The following FAF1 variants were observed in gnomAD, a reference collection of about 807,000 sequenced individuals.
FAF1 encodes Fas associated factor 1.
A neutral mutation model predicts 92.5 loss-of-function variants in FAF1; 25 were observed. That is an observed-to-expected ratio of 0.27 (90% CI 0.20 to 0.38). The LOEUF (loss-of-function observed/expected upper bound fraction) is 0.38. FAF1 is among the 10% of genes least tolerant of loss of function. FAF1 has a pLI of 1.00. For missense variants in FAF1, 636 were observed against 793.3 expected, an observed-to-expected ratio of 0.80 and a Z score of 2.38; for synonymous variants, 234 against 273.2, an observed-to-expected ratio of 0.86 and a Z score of 1.42.
intron 5 of FAF1, among the ~76,000 whole-genome samples, chr1:50,743,898 T>G (rs577697045): frequency 2.4e-4 from 36 of 151,664 alleles, no homozygotes; most frequent in Non-Finnish European, 3.5e-4. Flanking sequence ...TGGTGAAACC[T>G]CATCTCTACT....
At chr1:50,661,121 G>A (rs1181182075) in intron 7 of FAF1, among the ~76,000 whole-genome samples, 3 of 151,892 alleles carry the variant, frequency 2.0e-5, no homozygotes, top group African/African-American at 7.3e-5. Context: ...AAGATAATAA[G>A]CATTTTAGTA....
rs376214746 is a variant in FAF1 at position 50,460,415 on chromosome 1, C to T, written c.1869+15049G>A. On this transcript the variant is annotated intron_variant, in intron 18 of 18. Coordinates refer to ENST00000396153, the MANE Select transcript of FAF1 (RefSeq NM_007051.3). Reference sequence around the variant, plus strand: ...GGTTCCCAATCATAGTGCTGAAGTGCTGTCTAGTGTTCCTAAGTAAAGGAG... The same window carrying T: ...GGTTCCCAATCATAGTGCTGAAGTGTTGTCTAGTGTTCCTAAGTAAAGGAG... Among the ~76,000 whole-genome samples, 26 of 152,164 alleles carry T rather than the reference C, an allele frequency of 1.7e-4. No individual in the cohort carries two copies. The South Asian group carries it at 4.4e-3, about 25-fold the overall frequency.
chr1:50,565,315 T>C (rs1472163847), intron 13 of FAF1, among the ~76,000 whole-genome samples: 1 of 152,108 alleles, frequency 6.6e-6, no homozygotes, highest in Non-Finnish European at 1.5e-5. Context: ...CAGTCTTTAA[T>C]ATTACCTTTT....
At chr1:50,911,204 C>T (rs112893512) in intron 1 of FAF1, among the ~76,000 whole-genome samples, 2,887 of 151,758 alleles carry the variant, frequency 0.019, 93 homozygotes, top group African/African-American at 0.067. Flanking sequence ...TCCCAAGCAG[C>T]TGGGATTACA....
chr1:50,894,698 G>A lies in FAF1; in HGVS notation c.46-36701C>T, dbSNP rs56997734. Among the ~76,000 whole-genome samples, 1,172 of 151,642 alleles carry A rather than the reference G, an allele frequency of 7.7e-3. 13 individuals carry two copies. Among genetic ancestry groups the A allele is most frequent in the African/African-American group, 0.027 (1,132 of 41,332 alleles). On this transcript the variant is annotated intron_variant, in intron 1 of 18. Transcript: ENST00000396153. ...CTCTGACCACAATGGAATAAACCTA[G>A]AAATCAATAATGAGGAATTCTGGAA...
intron 1 of FAF1, among the ~76,000 whole-genome samples, chr1:50,876,170 G>C (rs145503800): frequency 6.6e-6 from 1 of 152,176 alleles, no homozygotes; most frequent in Non-Finnish European, 1.5e-5. Context: ...AGCAGGCTTC[G>C]TGCTTCTCAA....
At chr1:50,870,825 T>C (rs1028220963) in intron 1 of FAF1, among the ~76,000 whole-genome samples, 7 of 152,160 alleles carry the variant, frequency 4.6e-5, no homozygotes, top group East Asian at 1.9e-4. Flanking sequence ...AATCCAACAA[T>C]AGCCTCTAAG....
At chr1:50,890,664 T>C (rs1216283933) in intron 1 of FAF1, among the ~76,000 whole-genome samples, 1 of 152,212 alleles carries the variant, frequency 6.6e-6, no homozygotes, top group Non-Finnish European at 1.5e-5. Flanking sequence ...GAAAATTCTT[T>C]TCTTTGAGAA....
At chr1:50,653,829 C>T (rs138074659) in intron 8 of FAF1, among the ~76,000 whole-genome samples, 5 of 152,160 alleles carry the variant, frequency 3.3e-5, no homozygotes, top group Non-Finnish European at 7.4e-5. Context: ...AAGATTGTGT[C>T]ATTGTACTCC....
intron 14 of FAF1, among the ~76,000 whole-genome samples, chr1:50,537,384 C>T (rs1448694290): frequency 6.6e-6 from 1 of 152,094 alleles, no homozygotes; most frequent in Admixed American, 6.6e-5. Flanking sequence ...AAAAAGTATA[C>T]CAGTTAATGC....
chr1:50,870,750 C>T (rs1308915565), intron 1 of FAF1, among the ~76,000 whole-genome samples: 1 of 152,134 alleles, frequency 6.6e-6, no homozygotes, highest in Non-Finnish European at 1.5e-5. Flanking sequence ...TGCCAGTTCC[C>T]CATCTCTCTC....
intron 4 of FAF1, among the ~76,000 whole-genome samples, chr1:50,757,233 A>G (rs1557512647): frequency 6.6e-6 from 1 of 152,224 alleles, no homozygotes; most frequent in East Asian, 1.9e-4. Flanking sequence ...GGAGTATTAT[A>G]TACATTTTAA....
chr1:50,824,565 C>CA (rs200832505), intron 2 of FAF1, among the ~76,000 whole-genome samples: 1,989 of 152,170 alleles, frequency 0.013, 43 homozygotes, highest in African/African-American at 0.044. Flanking sequence ...AGAGGTTCCT[C>CA]AAAAAACTAA....
chr1:50,722,422 G>A (rs1470947701), intron 6 of FAF1, among the ~76,000 whole-genome samples: 1 of 152,178 alleles, frequency 6.6e-6, no homozygotes, highest in Non-Finnish European at 1.5e-5. Context: ...GCCGAGGTGG[G>A]TGGATCATGA....
intron 2 of FAF1, among the ~76,000 whole-genome samples, chr1:50,820,027 G>A (rs1052242860): frequency 2.4e-4 from 37 of 151,404 alleles, no homozygotes; most frequent in African/African-American, 7.5e-4. Flanking sequence ...TCGTTTGTAC[G>A]TGCACGGCAT....
At chr1:50,653,256 T>C (rs1654946909) in intron 8 of FAF1, among the ~76,000 whole-genome samples, 1 of 152,102 alleles carries the variant, frequency 6.6e-6, no homozygotes, top group South Asian at 2.1e-4. Flanking sequence ...AATTATATAC[T>C]ATAACATCAA....
chr1:50,744,014 T>A (rs754920948), intron 5 of FAF1, among the ~76,000 whole-genome samples: 56 of 151,740 alleles, frequency 3.7e-4, no homozygotes, highest in Non-Finnish European at 4.3e-4. Flanking sequence ...GAGTTTGCAG[T>A]GAGGCGAGAT....
intron 4 of FAF1, among the ~76,000 whole-genome samples, chr1:50,766,350 C>G (rs752704152): frequency 6.6e-6 from 1 of 152,072 alleles, no homozygotes; most frequent in Non-Finnish European, 1.5e-5. Context: ...TGTTTATAAA[C>G]TATGAAAGTT....
chr1:50,639,933 C>T (rs1379073239), intron 8 of FAF1, among the ~76,000 whole-genome samples: 1 of 70,164 alleles, frequency 1.4e-5, no homozygotes. Context: ...GACTCGATCT[C>T]AAAAAAAAAA....
Sources: allele counts gnomAD v4.1 joint callset (sites outside exome capture counted in the v4.1 genomes callset), GRCh38; gene constraint gnomAD v4.1.1; transcripts MANE v1.5; gene names NCBI Gene and HGNC (gene_info 2026-07-23, HGNC 2026-07-21).